Variants in ZNF317 observed in about 807,000 individuals in gnomAD.
ZNF317 encodes KRAB-containing zinc finger protein 317.
Under a neutral mutation model 23.4 loss-of-function variants are expected in ZNF317, and 17 were observed. The observed-to-expected ratio is 0.73, with a 90% confidence interval of 0.50 to 1.09. The LOEUF (loss-of-function observed/expected upper bound fraction) is 1.09, where lower values mean the gene tolerates loss of function less well. Ranked by LOEUF, ZNF317 falls within the 50% of genes least tolerant of loss-of-function variation. ZNF317 has a pLI of 0.00. For missense variants in ZNF317, 679 were observed against 796.7 expected (o/e 0.85, Z 1.78); for synonymous variants, 317 against 314.9 (o/e 1.01, Z -0.07).
In ZNF317 at chr19:9,147,342, T is replaced by TTTTTTTTTG. The variant is rs2050693893; in HGVS notation, c.-93+6758_-93+6759insGTTTTTTTT. ...TCCAATGACACTGGTTTTTTTTTTTTTTTTTTTTTTTTTTTGAGATGGAGT... is the reference window on the plus strand; with the variant it reads ...TCCAATGACACTGGTTTTTTTTTTTTTTTTTTTTGTTTTTTTTTTTTTTTGAGATGGAGT... On this transcript the variant is annotated intron_variant, in intron 1 of 6. Transcript: ENST00000247956. 5.7e-5 allele frequency among the ~76,000 whole-genome samples: 6 copies of TTTTTTTTTG among 106,068 alleles called. 1 individual carries two copies. Among genetic ancestry groups the TTTTTTTTTG allele is most frequent in the South Asian group, 3.1e-4 (1 of 3,252 alleles). 69.6% of individuals were successfully genotyped at this position (106,068 alleles called of 152,430 possible). A position where few individuals can be genotyped will look rare whatever the true frequency, so the allele number is the denominator to read the frequency against.
At chr19:9,147,345 T>G (rs867537591) in intron 1 of ZNF317, among the ~76,000 whole-genome samples, 62 of 142,226 alleles carry the variant, frequency 4.4e-4, no homozygotes, top group African/African-American at 1.6e-3. Context: ...TTTTTTTTTT[T>G]TTTTTTTTTT....
At position 9,161,283 on chromosome 19, in the gene ZNF317, T is replaced by C; in HGVS notation, c.1638T>C (p.Asn546=). The C allele has an allele frequency of 6.2e-7, 1 of 1,610,822 alleles. No individual in the cohort carries two copies. The highest frequency in any genetic ancestry group is 8.5e-7 in the Non-Finnish European group (1 of 1,178,676). Residue 546 remains asparagine (N), a synonymous_variant, in exon 7 of 7, where the codon AAT becomes AAC. Transcript: ENST00000247956. The surrounding 1 kb of genome is among the most constrained non-coding windows in gnomAD (Gnocchi z 4.0). ...GKAFSIGSNL[N]VHRRIHTGEK... ...CCTTCAGCATAGGCTCCAACCTGAA[T>C]GTGCACAGGCGGATCCACACCGGGG...
intron 4 of ZNF317, chr19:9,157,725 C>T: frequency 1.3e-6 from 1 of 742,440 alleles, no homozygotes; most frequent in Non-Finnish European, 1.8e-6. Flanking sequence ...GAAGGGTTCT[C>T]ACTATGTTGC....
rs563009401 is a variant in ZNF317, at chr19:9,156,118, G to A, written c.25+77G>A. On this transcript the variant is annotated intron_variant, in intron 2 of 6. Transcript: ENST00000247956. ...TGCCACTTGATGGGGTGAAAGATAC[G>A]TACACCATAGAGGGCTGCTGGGAGA... The A allele has an allele frequency of 3.4e-5, 53 of 1,550,194 alleles. No individual in the cohort carries two copies. In the Admixed American group the frequency reaches 3.5e-4, roughly 10 times the overall value.
intron 1 of ZNF317, among the ~76,000 whole-genome samples, chr19:9,152,731 G>A (rs536654605): frequency 3.3e-5 from 5 of 152,272 alleles, no homozygotes; most frequent in Admixed American, 6.5e-5. Flanking sequence ...AATAATAATA[G>A]AAATAAAGTG....
At chr19:9,159,993 T>G in intron 6 of ZNF317, 121 bp from the exon 7 acceptor site, 1 of 1,439,232 alleles carries the variant, frequency 6.9e-7, no homozygotes, top group Non-Finnish European at 9.5e-7. Flanking sequence ...CGGCAGATGG[T>G]TACAGCTCTA....
intron 1 of ZNF317, among the ~76,000 whole-genome samples, chr19:9,146,290 T>A (rs2050682323): frequency 6.6e-6 from 1 of 151,930 alleles, no homozygotes; most frequent in South Asian, 2.1e-4. Flanking sequence ...ATCTAGCTGG[T>A]TGAAAGGAGG....
At chr19:9,159,550 T>TG (rs1035416183) in intron 6 of ZNF317, among the ~76,000 whole-genome samples, 5 of 150,132 alleles carry the variant, frequency 3.3e-5, no homozygotes, top group African/African-American at 7.4e-5. Context: ...TTTTTGTTTT[T>TG]TGTTTTTTTT....
chr19:9,147,341 T>TTTTGTTTTG (rs1164940546), intron 1 of ZNF317, among the ~76,000 whole-genome samples: 3 of 103,790 alleles, frequency 2.9e-5, no homozygotes, highest in African/African-American at 1.1e-4. Context: ...TTTTTTTTTT[T>TTTTGTTTTG]TTTTTTTTTT....
chr19:9,153,361 C>G (rs1288191361), intron 1 of ZNF317, among the ~76,000 whole-genome samples: 1 of 152,098 alleles, frequency 6.6e-6, no homozygotes, highest in Non-Finnish European at 1.5e-5. Context: ...CGGGGTTTCT[C>G]CATGTTGGTC....
At position 9,160,448 on chromosome 19, in the gene ZNF317, A is replaced by G; in HGVS notation, c.803A>G (p.His268Arg). The G allele has an allele frequency of 1.2e-6, 2 of 1,614,198 alleles. No homozygotes were observed. Among genetic ancestry groups the G allele is most frequent in the Non-Finnish European group, 1.7e-6 (2 of 1,180,040 alleles). The change falls in exon 7 of 7, where the codon CAC (histidine) becomes CGC (arginine). Residue 268 changes from histidine (H) to arginine (R), a missense_variant. His to Arg is a conservative substitution (Grantham distance 29). Coordinates refer to ENST00000247956, the MANE Select transcript of ZNF317 (RefSeq NM_020933.5). This position sits in a 1 kb window ranked among gnomAD's most constrained non-coding sequence, Gnocchi z 6.8. ...AFNDPSALRS[H>R]ARTHLKEKPF... is the part of the protein sequence containing the mutation. ...AACGACCCTTCAGCCCTTAGGAGCC[A>G]CGCAAGAACTCACCTCAAAGAGAAG...
chr19:9,158,060 C>T lies in ZNF317; in HGVS notation c.370C>T (p.Gln124Ter), dbSNP rs1394109729. 2.6e-6 allele frequency: 4 copies of T among 1,551,148 alleles called. No individual in the cohort carries two copies. The highest frequency in any genetic ancestry group is 1.2e-5 in the South Asian group (1 of 84,014). ...EPRTEERGAH[Q>*]GACADWETPS... ...GAGGACAGAGGAGAGGGGCGCTCAC[C>T]AGGGCGCTTGTGCAGGTGAGCGAGC... The change falls in exon 5 of 7, where the codon CAG becomes TAG. Residue 124 changes from glutamine (Q) to a stop codon, truncating the protein, a stop_gained. Transcript: ENST00000247956. LOFTEE classifies it high-confidence loss of function.
chr19:9,152,524 C>T (rs111633048), intron 1 of ZNF317, among the ~76,000 whole-genome samples: 23,398 of 152,134 alleles, frequency 0.15, 2,085 homozygotes, highest in Non-Finnish European at 0.19. Flanking sequence ...CTCATAGGGG[C>T]GCAGACCCTA....
chr19:9,141,699 A>T (rs1363047277), intron 1 of ZNF317, among the ~76,000 whole-genome samples: 1 of 152,142 alleles, frequency 6.6e-6, no homozygotes, highest in African/African-American at 2.4e-5. Flanking sequence ...CTATATTTGA[A>T]CTTTGGGAAT....
chr19:9,144,137 G>C (rs1382836736), intron 1 of ZNF317, among the ~76,000 whole-genome samples: 1 of 151,966 alleles, frequency 6.6e-6, no homozygotes, highest in African/African-American at 2.4e-5. Context: ...CAAGTAGCTG[G>C]AAGTACAGGC....
chr19:9,157,046 C>G, intron 3 of ZNF317: 2 of 643,948 alleles, frequency 3.1e-6, no homozygotes, highest in Non-Finnish European at 5.3e-6. Flanking sequence ...AGATTAGTCC[C>G]TTGTCAGGGT....
chr19:9,158,957 G>A (rs370010576), intron 6 of ZNF317, 49 bp downstream of exon 6: 41 of 1,313,140 alleles, frequency 3.1e-5, no homozygotes, highest in Non-Finnish European at 4.4e-5. Flanking sequence ...CGTCTGAGGA[G>A]ACTGGGGCAG....
At position 9,163,373 on chromosome 19, in the gene ZNF317, TC is replaced by T. The variant is rs900127671; in HGVS notation, c.*1941del. On this transcript the variant is annotated 3_prime_UTR_variant, in exon 7 of 7. Coordinates refer to ENST00000247956, the MANE Select transcript of ZNF317 (RefSeq NM_020933.5). The stretch of plus-strand genomic sequence containing the variant: ...GCAGCCCTGGACTTCCAGACTTCTA[TC>T]ACATGAGAAAAAATAAAACTGATTA... The T allele has an allele frequency of 1.3e-5, 2 of 152,222 alleles. No individual in the cohort carries two copies. Among genetic ancestry groups the T allele is most frequent in the African/African-American group, 4.8e-5 (2 of 41,464 alleles). 9.4% of individuals were successfully genotyped at this position (152,222 alleles called of 1,614,324 possible).
chr19:9,158,223 T>C, intron 5 of ZNF317, 148 bp downstream of exon 5: 1 of 1,048,398 alleles, frequency 9.5e-7, no homozygotes, highest in Non-Finnish European at 1.3e-6. Context: ...GACAAATCTT[T>C]TGGTCCACAC....
Sources: allele counts gnomAD v4.1 joint callset (sites outside exome capture counted in the v4.1 genomes callset), GRCh38; gene constraint gnomAD v4.1.1; non-coding constraint Gnocchi (gnomAD v3.1); transcripts MANE v1.5; gene names NCBI Gene and HGNC (gene_info 2026-07-23, HGNC 2026-07-21).